The following SLBP variants were observed in gnomAD, a reference collection of about 807,000 sequenced individuals.
SLBP encodes histone RNA hairpin-binding protein.
A neutral mutation model predicts 39.2 loss-of-function variants in SLBP; 29 were observed. That is an observed-to-expected ratio of 0.74 (90% CI 0.55 to 1.01). The LOEUF (loss-of-function observed/expected upper bound fraction) is 1.01. Ranked by LOEUF, SLBP falls within the 50% of genes least tolerant of loss-of-function variation. SLBP has a pLI of 0.00. For missense variants in SLBP, 390 were observed against 350.2 expected (o/e 1.11, Z -0.91); for synonymous variants, 129 against 118.7 (o/e 1.09, Z -0.57).
chr4:1,708,552 T>C (rs564636436), intron 2 of SLBP, among the ~76,000 whole-genome samples: 1 of 152,312 alleles, frequency 6.6e-6, no homozygotes, highest in Admixed American at 6.5e-5. Flanking sequence ...CACTAGTGTA[T>C]CAAGAGGTTC....
At chr4:1,696,631 C>T (rs548051074) in intron 5 of SLBP, among the ~76,000 whole-genome samples, 1 of 152,170 alleles carries the variant, frequency 6.6e-6, no homozygotes, top group South Asian at 2.1e-4. Context: ...GGAGCGGTGG[C>T]TCACACCTAT....
chr4:1,709,798 A>C (rs1463985709), intron 2 of SLBP, among the ~76,000 whole-genome samples: 1 of 152,138 alleles, frequency 6.6e-6, no homozygotes, highest in South Asian at 2.1e-4. Context: ...TTTTTAGTAG[A>C]GACGGGTTTT....
chr4:1,693,476 G>A lies in SLBP; in HGVS notation c.*121C>T, dbSNP rs1560237946. The A allele has an allele frequency of 1.5e-6, 1 of 671,430 alleles. No homozygotes were observed. Among genetic ancestry groups the A allele is most frequent in the South Asian group, 1.8e-5 (1 of 55,294 alleles). 41.6% of individuals were successfully genotyped at this position (671,430 alleles called of 1,614,324 possible). ...AAGTAAGGCAAAAATAATTCAGCAT[G>A]AGCTAATGGACTGCTAACAGAGAAA... On this transcript the variant is annotated 3_prime_UTR_variant, in exon 8 of 8. Coordinates refer to ENST00000489418, the MANE Select transcript of SLBP (RefSeq NM_006527.4).
At position 1,711,961 on chromosome 4, in the gene SLBP, C is replaced by T; in HGVS notation, c.89G>A (p.Gly30Glu). 7.6e-7 allele frequency: 1 copy of T among 1,318,922 alleles called. No homozygotes were observed. Among genetic ancestry groups the T allele is most frequent in the Non-Finnish European group, 9.6e-7 (1 of 1,036,536 alleles). 81.7% of individuals were successfully genotyped at this position (1,318,922 alleles called of 1,614,324 possible). ...CCTGCCGTCGGCTCTGCGCTTCCGT[C>T]CCAGGCTCCATCGCGCGGGGGACGG... ...SPPSPARWSLGRKRRADGRRW... is the reference protein window; with the variant it reads ...SPPSPARWSLERKRRADGRRW... Residue 30 changes from glycine (G) to glutamate (E), a missense_variant, in exon 2 of 8, where the codon GGA becomes GAA. Gly to Glu is a moderately conservative substitution (Grantham distance 98). Coordinates refer to ENST00000489418, the MANE Select transcript of SLBP (RefSeq NM_006527.4).
At chr4:1,708,512 G>T (rs977318947) in intron 2 of SLBP, among the ~76,000 whole-genome samples, 1 of 152,176 alleles carries the variant, frequency 6.6e-6, no homozygotes, top group Non-Finnish European at 1.5e-5. Context: ...ACTCAATAGA[G>T]GTTTGTCCAG....
chr4:1,697,453 G>A (rs931582374), intron 5 of SLBP, among the ~76,000 whole-genome samples: 5 of 151,746 alleles, frequency 3.3e-5, no homozygotes, highest in African/African-American at 1.2e-4. Context: ...TGGTGACAGA[G>A]GGAGACTCCG....
At chr4:1,703,834 G>A (rs147269167) in intron 2 of SLBP, 134 bp from the exon 3 acceptor site, 1 of 686,718 alleles carries the variant, frequency 1.5e-6, no homozygotes, top group East Asian at 2.7e-5. Context: ...GGAAACTGAG[G>A]TAGGAGGATC....
chr4:1,696,525 A>G (rs943688424), intron 5 of SLBP, among the ~76,000 whole-genome samples, 174 bp from the exon 6 acceptor site: 1 of 152,028 alleles, frequency 6.6e-6, no homozygotes, highest in African/African-American at 2.4e-5. Flanking sequence ...AGATCACTTA[A>G]GCTCAGGAAT....
rs138358509 is a variant in SLBP at position 1,706,269 on chromosome 4, A to C, written c.177-2569T>G. 2.6e-5 allele frequency among the ~76,000 whole-genome samples: 4 copies of C among 152,286 alleles called. No individual in the cohort carries two copies. In the East Asian group the frequency reaches 7.7e-4, roughly 29 times the overall value. On this transcript the variant is annotated intron_variant, in intron 2 of 7. Transcript: ENST00000489418. ...CCACTGCTCCTCCAGCCTCAGCAAGAGACTCCGTCTCAGAAAATAAATAAA... is the reference window on the plus strand; with the variant it reads ...CCACTGCTCCTCCAGCCTCAGCAAGCGACTCCGTCTCAGAAAATAAATAAA...
chr4:1,698,277 G>T (rs897697985), intron 5 of SLBP, among the ~76,000 whole-genome samples: 5 of 151,206 alleles, frequency 3.3e-5, no homozygotes, highest in African/African-American at 1.2e-4. Context: ...CCCGAGAGGT[G>T]GAGTTGAAAT....
intron 2 of SLBP, among the ~76,000 whole-genome samples, chr4:1,709,932 A>G (rs1180725369): frequency 6.6e-6 from 1 of 151,044 alleles, no homozygotes; most frequent in East Asian, 2.0e-4. Context: ...ATTGTACTCA[A>G]TAAATAGTGT....
chr4:1,711,771 C>T (rs962078403), intron 2 of SLBP, 103 bp downstream of exon 2: 10 of 557,540 alleles, frequency 1.8e-5, no homozygotes, highest in African/African-American at 1.4e-4. Flanking sequence ...CGCAGGGTGC[C>T]GACCTGACCG....
intron 2 of SLBP, 81 bp downstream of exon 2, chr4:1,711,793 G>T: frequency 1.4e-6 from 1 of 719,296 alleles, no homozygotes; most frequent in Non-Finnish European, 2.0e-6. Flanking sequence ...TCCCGGCACC[G>T]CGAGAGCGCG....
intron 2 of SLBP, among the ~76,000 whole-genome samples, chr4:1,709,758 C>T (rs1272362633): frequency 1.3e-5 from 2 of 152,122 alleles, no homozygotes; most frequent in East Asian, 1.9e-4. Context: ...ACTACAGGCG[C>T]CCGCTACCAC....
At chr4:1,710,030 C>T (rs1047603271) in intron 2 of SLBP, among the ~76,000 whole-genome samples, 5 of 152,212 alleles carry the variant, frequency 3.3e-5, no homozygotes, top group Non-Finnish European at 7.3e-5. Context: ...CCTGTCTCTT[C>T]TCATTCCGGG....
chr4:1,710,096 G>A (rs1716681412), intron 2 of SLBP, among the ~76,000 whole-genome samples: 1 of 151,750 alleles, frequency 6.6e-6, no homozygotes, highest in East Asian at 1.9e-4. Flanking sequence ...TCAGGCTGGT[G>A]TCGAACTCCT....
chr4:1,698,389 C>T (rs1716200126), intron 5 of SLBP, among the ~76,000 whole-genome samples: 1 of 114,672 alleles, frequency 8.7e-6, no homozygotes, highest in African/African-American at 3.0e-5. Flanking sequence ...GCCTAGGTAA[C>T]AGCAAGACTC....
intron 2 of SLBP, among the ~76,000 whole-genome samples, chr4:1,710,256 C>T (rs1293071547): frequency 1.3e-5 from 2 of 152,212 alleles, no homozygotes; most frequent in East Asian, 3.8e-4. Context: ...CATGTAGACT[C>T]CTACACTCCG....
At chr4:1,694,201 G>C (rs577697809) in intron 7 of SLBP, among the ~76,000 whole-genome samples, 1 of 152,270 alleles carries the variant, frequency 6.6e-6, no homozygotes, top group South Asian at 2.1e-4. Flanking sequence ...TCCTGCCTCA[G>C]CCTCCTGAGT....
Sources: gnomAD v4.1 joint callset for allele counts (sites outside exome capture counted in the v4.1 genomes callset) on GRCh38, gnomAD v4.1.1 for gene constraint, MANE v1.5 for transcripts, NCBI Gene and HGNC (gene_info 2026-07-23, HGNC 2026-07-21) for gene names.